Variants in NECAB1 observed in about 807,000 individuals in gnomAD.
The protein encoded by NECAB1 is N-terminal EF-hand calcium-binding protein 1.
Under a neutral mutation model 57.5 loss-of-function variants are expected in NECAB1, and 29 were observed. That is an observed-to-expected ratio of 0.50 (90% confidence interval 0.38 to 0.69). The LOEUF is 0.69. Among genes scored for constraint, NECAB1 ranks in the 30% least tolerant of loss-of-function variants. NECAB1 has a pLI of 0.00. For missense variants in NECAB1, 372 were observed against 413.8 expected, an observed-to-expected ratio of 0.90 and a Z score of 0.88; for synonymous variants, 142 against 147.7, an observed-to-expected ratio of 0.96 and a Z score of 0.28.
At chr8:90,860,906 C>A (rs1812890591) in intron 3 of NECAB1, among the ~76,000 whole-genome samples, 1 of 152,072 alleles carries the variant, frequency 6.6e-6, no homozygotes, top group African/African-American at 2.4e-5. Flanking sequence ...GAAGGTTAGC[C>A]TTGAGGCTCC....
chr8:90,946,547 T>A (rs942294173), intron 10 of NECAB1, among the ~76,000 whole-genome samples: 1 of 152,180 alleles, frequency 6.6e-6, no homozygotes, highest in East Asian at 1.9e-4. Flanking sequence ...TATAAGTACA[T>A]TTATTATTCT....
intron 2 of NECAB1, among the ~76,000 whole-genome samples, chr8:90,810,505 T>C (rs1252374082): frequency 6.6e-6 from 1 of 152,194 alleles, no homozygotes; most frequent in Non-Finnish European, 1.5e-5. Flanking sequence ...TCCTCATTTT[T>C]TGAAAATAGG....
chr8:90,945,960 G>C (rs1168355191), intron 10 of NECAB1, among the ~76,000 whole-genome samples: 2 of 152,192 alleles, frequency 1.3e-5, no homozygotes, highest in Non-Finnish European at 2.9e-5. Flanking sequence ...CAAATCACAG[G>C]TGTGTTGTTG....
rs554162866 is a variant in NECAB1, at chr8:90,915,627, G to T, written c.358-1865G>T. On this transcript the variant is annotated intron_variant, in intron 5 of 12. Coordinates refer to ENST00000417640, the MANE Select transcript of NECAB1 (RefSeq NM_022351.5). The stretch of plus-strand genomic sequence containing the variant: ...TAGGATAGATGTTTATATGAAGGGA[G>T]TTTATTAAGGATAATTGATTCACAC... Among the ~76,000 whole-genome samples the T allele has an allele frequency of 3.9e-5, 6 of 152,262 alleles. No individual in the cohort carries two copies. In the South Asian group the frequency reaches 8.3e-4, roughly 21 times the overall value.
At chr8:90,917,870 A>ATGTGTGTGTG (rs1554575442) in intron 6 of NECAB1, among the ~76,000 whole-genome samples, 54 of 64,304 alleles carry the variant, frequency 8.4e-4, no homozygotes, top group East Asian at 5.7e-3. Flanking sequence ...ATATATATAT[A>ATGTGTGTGTG]TGTGTGTGTG....
chr8:90,888,164 T>C (rs1645472847), intron 5 of NECAB1, among the ~76,000 whole-genome samples: 1 of 152,218 alleles, frequency 6.6e-6, no homozygotes, highest in Non-Finnish European at 1.5e-5. Flanking sequence ...TTTTCTTTTA[T>C]TTATCTTACT....
chr8:90,917,870 A>ATATATATATATATGTG lies in NECAB1; in HGVS notation c.494+243_494+244insATATATATATATGTGT, dbSNP rs1554575432. 1.2e-3 allele frequency among the ~76,000 whole-genome samples: 74 copies of ATATATATATATATGTG among 64,314 alleles called. 1 individual carries two copies. The highest frequency in any genetic ancestry group is 5.1e-3 in the African/African-American group (49 of 9,564). The allele number at this position is 64,314 out of a possible 152,430, so 42.2% of individuals were successfully genotyped here. On this transcript the variant is annotated intron_variant, in intron 6 of 12. Transcript: ENST00000417640. ...TATATATATATATATATATATATATATGTGTGTGTGTGCGTGTATATATAT... is the reference window on the plus strand; with the variant it reads ...TATATATATATATATATATATATATATATATATATATATGTGTGTGTGTGTGTGCGTGTATATATAT...
intron 11 of NECAB1, among the ~76,000 whole-genome samples, chr8:90,950,910 T>TA (rs1563547480): frequency 6.6e-6 from 1 of 152,158 alleles, no homozygotes; most frequent in South Asian, 2.1e-4. Context: ...AAAACCTTTT[T>TA]AAAAAAGTTT....
intron 3 of NECAB1, among the ~76,000 whole-genome samples, chr8:90,844,121 A>G (rs1812510557): frequency 6.6e-6 from 1 of 152,186 alleles, no homozygotes; most frequent in African/African-American, 2.4e-5. Flanking sequence ...ATTTCAGTCA[A>G]CTTGGGGTCA....
rs1475273704 is a variant in NECAB1 at position 90,957,288 on chromosome 8, T to C, written c.*1776T>C. On this transcript the variant is annotated 3_prime_UTR_variant, in exon 13 of 13. Transcript: ENST00000417640. ...TACAAATTATAGCCAATCAAAACAT[T>C]GCTTTGGTTGGTGCATTTAAGTATC... 6.6e-6 allele frequency: 1 copy of C among 151,954 alleles called. No individual in the cohort carries two copies. The highest frequency in any genetic ancestry group is 2.4e-5 in the African/African-American group (1 of 41,404). The allele number at this position is 151,954 out of a possible 1,614,324, so 9.4% of individuals were successfully genotyped here.
chr8:90,897,019 ACTCCAT>A (rs1471311000), intron 5 of NECAB1, among the ~76,000 whole-genome samples: 1 of 152,064 alleles, frequency 6.6e-6, no homozygotes, highest in Non-Finnish European at 1.5e-5. Context: ...CCAAGTGTGC[ACTCCAT>A]TGTTCCTTCT....
intron 1 of NECAB1, among the ~76,000 whole-genome samples, chr8:90,792,637 C>G (rs183380891): frequency 6.6e-6 from 1 of 152,284 alleles, no homozygotes; most frequent in East Asian, 1.9e-4. Context: ...ACTATTTTCC[C>G]TTTGGTCCAA....
chr8:90,840,923 G>C (rs1812442966), intron 3 of NECAB1, among the ~76,000 whole-genome samples: 1 of 105,614 alleles, frequency 9.5e-6, no homozygotes, highest in Non-Finnish European at 1.9e-5. Flanking sequence ...TCAGGAGGAA[G>C]AACAAAATGG....
chr8:90,795,591 T>TA (rs1345828809), intron 1 of NECAB1, among the ~76,000 whole-genome samples: 2 of 152,180 alleles, frequency 1.3e-5, no homozygotes, highest in Admixed American at 6.5e-5. Flanking sequence ...ATATGCTCAT[T>TA]TGTATGATGT....
chr8:90,806,741 G>A (rs1194913329), intron 2 of NECAB1: 1 of 152,186 alleles, frequency 6.6e-6, no homozygotes, highest in Non-Finnish European at 1.5e-5. Flanking sequence ...TGCAAAGGAA[G>A]GATAATAATA....
intron 3 of NECAB1, among the ~76,000 whole-genome samples, chr8:90,859,968 C>A (rs982096538): frequency 6.6e-6 from 1 of 152,132 alleles, no homozygotes; most frequent in Non-Finnish European, 1.5e-5. Flanking sequence ...ACTCCCACAG[C>A]AACTTTACAA....
chr8:90,795,486 C>T (rs1811645499), intron 1 of NECAB1, among the ~76,000 whole-genome samples: 1 of 152,162 alleles, frequency 6.6e-6, no homozygotes, highest in South Asian at 2.1e-4. Context: ...CTCATGTACA[C>T]TCTGAATGCA....
intron 8 of NECAB1, among the ~76,000 whole-genome samples, chr8:90,928,754 C>T (rs974678431): frequency 6.6e-6 from 1 of 152,194 alleles, no homozygotes; most frequent in Non-Finnish European, 1.5e-5. Flanking sequence ...AGATTCCACA[C>T]TCAACTTCTG....
intron 3 of NECAB1, among the ~76,000 whole-genome samples, chr8:90,833,022 T>G (rs1285155203): frequency 1.3e-5 from 2 of 152,170 alleles, no homozygotes; most frequent in Non-Finnish European, 2.9e-5. Context: ...GGTAATTGCT[T>G]TAATTGCTGC....
Sources: gnomAD v4.1 joint callset for allele counts (sites outside exome capture counted in the v4.1 genomes callset) on GRCh38, gnomAD v4.1.1 for gene constraint, MANE v1.5 for transcripts, NCBI Gene and HGNC (gene_info 2026-07-23, HGNC 2026-07-21) for gene names.